The following CACNA1E variants were observed in gnomAD, a reference collection of about 807,000 sequenced individuals.
CACNA1E encodes calcium voltage-gated channel subunit alpha1 E.
CACNA1E carries 40 observed loss-of-function variants against 259.2 expected under a neutral mutation model. That is an observed-to-expected ratio of 0.15 (90% CI 0.12 to 0.20). The LOEUF is 0.20. Ranked by LOEUF, CACNA1E falls within the 10% of genes least tolerant of loss-of-function variation. The pLI is 1.00. For missense variants in CACNA1E, 1,874 were observed against 3,040.1 expected, an observed-to-expected ratio of 0.62 and a Z score of 9.02; for synonymous variants, 1,104 against 1,138.5, an observed-to-expected ratio of 0.97 and a Z score of 0.61.
intron 2 of CACNA1E, among the ~76,000 whole-genome samples, chr1:181,431,234 G>C (rs1305945730): frequency 6.6e-6 from 1 of 152,208 alleles, no homozygotes; most frequent in Non-Finnish European, 1.5e-5. Flanking sequence ...CTGAAATTGC[G>C]GAGTGAGTTT....
chr1:181,478,838 T>C (rs976663278), upstream of CACNA1E, among the ~76,000 whole-genome samples: 2 of 152,188 alleles, frequency 1.3e-5, no homozygotes, highest in Admixed American at 6.5e-5. Flanking sequence ...TGTCCATCTG[T>C]CTTAGTACAA....
At position 181,529,406 on chromosome 1, in the gene CACNA1E, G is replaced by A. The variant is rs141495685; in HGVS notation, c.512+17896G>A. 3.7e-4 allele frequency among the ~76,000 whole-genome samples: 56 copies of A among 152,350 alleles called. No homozygotes were observed. In the East Asian group the frequency reaches 0.011, roughly 29 times the overall value. On this transcript the variant is annotated intron_variant, in intron 3 of 47. Coordinates refer to ENST00000367573, the MANE Select transcript of CACNA1E (RefSeq NM_001205293.3). ...CAGTGTGGAAGGGAAATGTGGGGTT[G>A]GAGCCCCCACATGGAGTCCCTACGG...
chr1:181,662,119 G>T (rs1473684618), intron 7 of CACNA1E, among the ~76,000 whole-genome samples: 1 of 152,216 alleles, frequency 6.6e-6, no homozygotes, highest in Non-Finnish European at 1.5e-5. Context: ...TGGGTGAGTT[G>T]TGTGACCATG....
rs182640816 is a variant in CACNA1E, at chr1:181,708,526, G to A, written c.1056-2428G>A. On this transcript the variant is annotated intron_variant, in intron 7 of 47. Transcript: ENST00000367573. ...CCTGCTTCAATTCTCCTCTTTCAAGGTCTTGCTCAAAATATCACCTTCTTA... is the reference window on the plus strand; with the variant it reads ...CCTGCTTCAATTCTCCTCTTTCAAGATCTTGCTCAAAATATCACCTTCTTA... Among the ~76,000 whole-genome samples, 448 of 152,250 alleles carry A rather than the reference G, an allele frequency of 2.9e-3. 1 individual carries two copies. Among genetic ancestry groups the A allele is most frequent in the Non-Finnish European group, 5.1e-3 (346 of 68,024 alleles).
intron 2 of CACNA1E, among the ~76,000 whole-genome samples, chr1:181,474,361 A>AT (rs1662708369): frequency 6.6e-6 from 1 of 152,224 alleles, no homozygotes; most frequent in African/African-American, 2.4e-5. Flanking sequence ...TTCTCTCTTG[A>AT]TTGAGAATTA....
At chr1:181,771,250 AGCTTGGTAAT>A (rs1241513658) in intron 35 of CACNA1E, 33 bp from the exon 36 acceptor site, 10 of 1,123,234 alleles carry the variant, frequency 8.9e-6, no homozygotes, top group Non-Finnish European at 1.2e-5. Context: ...CACATCACAC[AGCTTGGTAAT>A]GCTCACTGTT....
intron 6 of CACNA1E, among the ~76,000 whole-genome samples, chr1:181,583,505 G>A (rs1651761222): frequency 6.6e-6 from 1 of 152,084 alleles, no homozygotes; most frequent in African/African-American, 2.4e-5. Context: ...GAATCTTCAG[G>A]TTTACCCAGT....
intron 7 of CACNA1E, among the ~76,000 whole-genome samples, chr1:181,653,106 C>T (rs1489484218): frequency 6.6e-6 from 1 of 152,120 alleles, no homozygotes; most frequent in African/African-American, 2.4e-5. Context: ...TTACCTATGG[C>T]TGCTTTCAAC....
intron 4 of CACNA1E, among the ~76,000 whole-genome samples, chr1:181,578,804 T>A (rs907355639): frequency 1.3e-5 from 2 of 152,232 alleles, no homozygotes. Context: ...ATAGTGCTTG[T>A]ACTAATTGTG....
intron 25 of CACNA1E, among the ~76,000 whole-genome samples, chr1:181,743,636 A>G (rs890928845): frequency 3.3e-5 from 5 of 152,238 alleles, no homozygotes; most frequent in African/African-American, 1.2e-4. Context: ...GGGCAGGGAC[A>G]GCATCTCTGG....
chr1:181,453,164 A>C (rs1048266314), intron 2 of CACNA1E, among the ~76,000 whole-genome samples: 7 of 152,208 alleles, frequency 4.6e-5, no homozygotes, highest in Non-Finnish European at 8.8e-5. Context: ...ACTTTTTTTA[A>C]AGGCTACAGT....
At chr1:181,731,588 C>T (rs542039355) in intron 19 of CACNA1E, among the ~76,000 whole-genome samples, 1 of 152,250 alleles carries the variant, frequency 6.6e-6, no homozygotes, top group South Asian at 2.1e-4. Flanking sequence ...GTGTCCCCTT[C>T]ACAGTTTGTA....
Position 181,599,348 on chromosome 1 carries a change from C to T in CACNA1E, c.951+18572C>T, listed in dbSNP as rs148180326. The stretch of plus-strand genomic sequence containing the variant: ...CCATGGTGTATATGTACCACATTTG[C>T]TTTATCCAGTCTATCATTGACGGGC... On this transcript the variant is annotated intron_variant, in intron 6 of 47. Transcript: ENST00000367573. Among the ~76,000 whole-genome samples, 605 of 152,246 alleles carry T rather than the reference C, an allele frequency of 4.0e-3. 6 individuals are homozygous for T. Among genetic ancestry groups the T allele is most frequent in the African/African-American group, 0.014 (567 of 41,536 alleles).
intron 1 of CACNA1E, among the ~76,000 whole-genome samples, chr1:181,509,864 TC>T (rs1666017699): frequency 6.6e-6 from 1 of 152,196 alleles, no homozygotes; most frequent in Non-Finnish European, 1.5e-5. Context: ...AAAGCAAGCC[TC>T]TCCTTCCCCC....
intron 1 of CACNA1E, among the ~76,000 whole-genome samples, chr1:181,409,413 G>GTTGAGT (rs1381362010): frequency 1.8e-4 from 28 of 152,148 alleles, no homozygotes; most frequent in Non-Finnish European, 4.4e-5. Context: ...AACCATAGAG[G>GTTGAGT]GCCAGGAAGT....
rs114755128 is a variant in CACNA1E, at chr1:181,421,878, G to C, written c.434+8298G>C. Reference sequence around the variant, plus strand: ...TTGTTTCCCTAGAATAAGAGAATGTGATCTATTGACACAACAGGCAGGGAC... The same window carrying C: ...TTGTTTCCCTAGAATAAGAGAATGTCATCTATTGACACAACAGGCAGGGAC... On this transcript the variant is annotated intron_variant, in intron 2 of 11. Coordinates refer to the CACNA1E transcript ENST00000524607. Among the ~76,000 whole-genome samples, 723 of 152,268 alleles carry C rather than the reference G, an allele frequency of 4.7e-3. 3 individuals carry two copies. The highest frequency in any genetic ancestry group is 0.015 in the African/African-American group (628 of 41,536).
At chr1:181,602,281 A>G (rs949967394) in intron 6 of CACNA1E, among the ~76,000 whole-genome samples, 1 of 152,222 alleles carries the variant, frequency 6.6e-6, no homozygotes, top group Non-Finnish European at 1.5e-5. Context: ...TCAGGTTAGT[A>G]CCTGGCAGAA....
At chr1:181,794,584 A>G (rs1167612219) in intron 45 of CACNA1E, among the ~76,000 whole-genome samples, 5 of 152,234 alleles carry the variant, frequency 3.3e-5, no homozygotes, top group Non-Finnish European at 5.9e-5. Context: ...GAGCTTGCAC[A>G]GTTCCTGCCT....
intron 6 of CACNA1E, among the ~76,000 whole-genome samples, chr1:181,627,611 G>T (rs1656319793): frequency 6.6e-6 from 1 of 152,132 alleles, no homozygotes; most frequent in South Asian, 2.1e-4. Flanking sequence ...GGCTTCAGGA[G>T]GGTCAGAGGG....
Sources: allele counts gnomAD v4.1 joint callset (sites outside exome capture counted in the v4.1 genomes callset), GRCh38; gene constraint gnomAD v4.1.1; transcripts MANE v1.5; gene names NCBI Gene and HGNC (gene_info 2026-07-23, HGNC 2026-07-21).